The following CTNNA3 variants were observed in gnomAD, a reference collection of about 807,000 sequenced individuals.
CTNNA3 encodes the protein catenin alpha 3, also known as catenin alpha-3.
A neutral mutation model predicts 95.7 loss-of-function variants in CTNNA3; 76 were observed. That is an observed-to-expected ratio of 0.79 (90% CI 0.66 to 0.96). The LOEUF (loss-of-function observed/expected upper bound fraction) is 0.96. CTNNA3 is among the 40% of genes least tolerant of loss of function. The probability of loss-of-function intolerance (pLI) is 0.00; values close to 1 mark genes in which losing one functional copy is unlikely to be tolerated. For missense variants in CTNNA3, 1,191 were observed against 1,089.8 expected (o/e 1.09, Z -1.31); for synonymous variants, 431 against 374.4 (o/e 1.15, Z -1.74).
At chr10:66,673,831 C>A (rs938952779) in intron 9 of CTNNA3, among the ~76,000 whole-genome samples, 1 of 152,004 alleles carries the variant, frequency 6.6e-6, no homozygotes, top group Middle Eastern at 3.4e-3. Flanking sequence ...TCTGAGCACA[C>A]TGTCTGGCAA....
At chr10:65,950,177 C>T (rs915099823) in intron 17 of CTNNA3, among the ~76,000 whole-genome samples, 1 of 152,020 alleles carries the variant, frequency 6.6e-6, no homozygotes, top group Non-Finnish European at 1.5e-5. Flanking sequence ...CACACACACA[C>T]AAACAACCTC....
At chr10:66,553,914 CTAT>C (rs1254408234) in intron 10 of CTNNA3, among the ~76,000 whole-genome samples, 5 of 152,038 alleles carry the variant, frequency 3.3e-5, no homozygotes, top group Non-Finnish European at 7.4e-5. Flanking sequence ...GAATTATAGG[CTAT>C]TTTTGTCATA....
At chr10:67,165,315 G>A (rs1443906684) in intron 7 of CTNNA3, among the ~76,000 whole-genome samples, 1 of 152,152 alleles carries the variant, frequency 6.6e-6, no homozygotes, top group Admixed American at 6.5e-5. Context: ...TTATAGAAAT[G>A]GAGAATAGAT....
At chr10:66,152,139 A>T (rs1202619014) in intron 13 of CTNNA3, among the ~76,000 whole-genome samples, 1 of 151,984 alleles carries the variant, frequency 6.6e-6, no homozygotes, top group East Asian at 1.9e-4. Context: ...AGGAAAAATA[A>T]GTACCATTCA....
chr10:66,115,858 A>G (rs1171638101), intron 13 of CTNNA3, among the ~76,000 whole-genome samples: 1 of 152,114 alleles, frequency 6.6e-6, no homozygotes, highest in Non-Finnish European at 1.5e-5. Flanking sequence ...AAAAAATATG[A>G]AAGAAATTAC....
At chr10:66,864,346 C>T (rs1463377727) in intron 7 of CTNNA3, among the ~76,000 whole-genome samples, 2 of 152,022 alleles carry the variant, frequency 1.3e-5, no homozygotes, top group Non-Finnish European at 2.9e-5. Context: ...AATTTTGCCC[C>T]CTCTTGCTCA....
At chr10:67,724,071 CAGTGA>C (rs1222126962) in intron 1 of CTNNA3, among the ~76,000 whole-genome samples, 3 of 152,178 alleles carry the variant, frequency 2.0e-5, no homozygotes, top group African/African-American at 7.2e-5. Context: ...CTGGGCTCAG[CAGTGA>C]CCCTGATAAT....
chr10:65,923,500 G>T (rs1489392776), intron 17 of CTNNA3, among the ~76,000 whole-genome samples: 1 of 152,190 alleles, frequency 6.6e-6, no homozygotes, highest in Non-Finnish European at 1.5e-5. Flanking sequence ...GGCATTGAGA[G>T]CATTCTCCCT....
At chr10:66,955,576 G>C (rs1030304543) in intron 7 of CTNNA3, among the ~76,000 whole-genome samples, 3 of 152,104 alleles carry the variant, frequency 2.0e-5, no homozygotes, top group African/African-American at 7.2e-5. Context: ...TCTCATAACA[G>C]CTGGCACAGA....
At chr10:66,691,176 G>T (rs558511960) in intron 9 of CTNNA3, among the ~76,000 whole-genome samples, 3 of 152,158 alleles carry the variant, frequency 2.0e-5, no homozygotes, top group Non-Finnish European at 2.9e-5. Context: ...CTCAGGAAGC[G>T]CAAGGGGTCA....
In CTNNA3 at chr10:67,442,423, A is replaced by AT. The variant is rs201194409; in HGVS notation, c.579+79418dup. On this transcript the variant is annotated intron_variant, in intron 5 of 17. Coordinates refer to ENST00000433211, the MANE Select transcript of CTNNA3 (RefSeq NM_013266.4). Reference sequence around the variant, plus strand: ...CAAATGTCACAGAGTGGCTAAACAGATTAAAAAAAAGAGAGAGACCCAATG... The same window carrying AT: ...CAAATGTCACAGAGTGGCTAAACAGATTTAAAAAAAAGAGAGAGACCCAATG... 2.0e-3 allele frequency among the ~76,000 whole-genome samples: 308 copies of AT among 152,208 alleles called. 3 individuals are homozygous for AT. Among genetic ancestry groups the AT allele is most frequent in the African/African-American group, 6.9e-3 (286 of 41,544 alleles).
At chr10:65,944,266 G>T (rs1245059127) in intron 17 of CTNNA3, among the ~76,000 whole-genome samples, 1 of 152,206 alleles carries the variant, frequency 6.6e-6, no homozygotes, top group Non-Finnish European at 1.5e-5. Context: ...CCTGGAGCTC[G>T]TTTGTCACTT....
At chr10:66,519,841 T>C (rs1013997516) in intron 11 of CTNNA3, among the ~76,000 whole-genome samples, 4 of 152,150 alleles carry the variant, frequency 2.6e-5, no homozygotes, top group African/African-American at 7.2e-5. Flanking sequence ...TCCTGAACTT[T>C]GGCAAAATAA....
chr10:66,156,158 G>A (rs910033264), intron 13 of CTNNA3, among the ~76,000 whole-genome samples: 1 of 151,918 alleles, frequency 6.6e-6, no homozygotes, highest in Non-Finnish European at 1.5e-5. Context: ...CCAAGGAACA[G>A]CATGATGGTG....
intron 5 of CTNNA3, among the ~76,000 whole-genome samples, chr10:67,276,913 A>G (rs1839199586): frequency 6.6e-6 from 1 of 151,926 alleles, no homozygotes; most frequent in East Asian, 1.9e-4. Context: ...ATATATTATA[A>G]TATAACTAGT....
At chr10:67,135,087 T>C (rs564116603) in intron 7 of CTNNA3, among the ~76,000 whole-genome samples, 1 of 152,062 alleles carries the variant, frequency 6.6e-6, no homozygotes, top group African/African-American at 2.4e-5. Flanking sequence ...TTCTGGAGAA[T>C]TATGGGAAGG....
chr10:67,521,216 G>T (rs573737011), intron 5 of CTNNA3, among the ~76,000 whole-genome samples: 2 of 152,136 alleles, frequency 1.3e-5, no homozygotes, highest in Non-Finnish European at 2.9e-5. Context: ...ATTTAATCAT[G>T]ATGAATATTA....
intron 5 of CTNNA3, among the ~76,000 whole-genome samples, chr10:67,364,437 C>T (rs1198961003): frequency 5.9e-5 from 9 of 152,180 alleles, no homozygotes. Context: ...TCTCTCACCA[C>T]TCCTATTCAA....
At chr10:67,312,706 T>C (rs549307468) in intron 5 of CTNNA3, among the ~76,000 whole-genome samples, 1 of 152,322 alleles carries the variant, frequency 6.6e-6, no homozygotes, top group Non-Finnish European at 1.5e-5. Context: ...CCCTGGACCG[T>C]AACAATTTTC....
Sources: allele counts gnomAD v4.1 joint callset (sites outside exome capture counted in the v4.1 genomes callset), GRCh38; gene constraint gnomAD v4.1.1; transcripts MANE v1.5; gene names NCBI Gene and HGNC (gene_info 2026-07-23, HGNC 2026-07-21).